The following MPPED1 variants were observed in gnomAD, a reference collection of about 807,000 sequenced individuals.
The protein encoded by MPPED1 is metallophosphoesterase domain containing 1.
A neutral mutation model predicts 36.2 loss-of-function variants in MPPED1; 16 were observed. That is an observed-to-expected ratio of 0.44 (90% CI 0.30 to 0.67). The LOEUF is 0.67. Ranked by LOEUF, MPPED1 falls within the 30% of genes least tolerant of loss-of-function variation. The pLI, the probability that MPPED1 is intolerant of heterozygous loss-of-function variation, is 0.10. For missense variants in MPPED1, 307 were observed against 453.4 expected, an observed-to-expected ratio of 0.68 and a Z score of 2.93; for synonymous variants, 199 against 191.3, an observed-to-expected ratio of 1.04 and a Z score of -0.33.
At chr22:43,412,897 G>T (rs1344291050) in intron 1 of MPPED1, among the ~76,000 whole-genome samples, 2 of 152,220 alleles carry the variant, frequency 1.3e-5, no homozygotes, top group Non-Finnish European at 2.9e-5. Flanking sequence ...CTTCACCCTG[G>T]CAGGGCCAGA....
At chr22:43,441,303 A>G (rs1422279994) in intron 3 of MPPED1, among the ~76,000 whole-genome samples, 1 of 151,816 alleles carries the variant, frequency 6.6e-6, no homozygotes, top group Non-Finnish European at 1.5e-5. Flanking sequence ...GCAATCATCT[A>G]TTGTGATTGT....
chr22:43,418,042 C>A (rs1384369204), intron 1 of MPPED1: 5 of 456,156 alleles, frequency 1.1e-5, no homozygotes, highest in South Asian at 7.7e-5. Context: ...GAGTTTTGGA[C>A]CCAGGACAGC....
rs905299177 is a variant in MPPED1, at chr22:43,415,282, A to T, written c.-79+3124A>T. Among the ~76,000 whole-genome samples the T allele has an allele frequency of 5.3e-5, 8 of 152,060 alleles. No homozygotes were observed. In the East Asian group the frequency reaches 1.5e-3, roughly 29 times the overall value. On this transcript the variant is annotated intron_variant, in intron 1 of 6. Transcript: ENST00000443721. ...CAAAAAACCCAACAGGAAAAAAATA[A>T]GAGACCCCTTTTTGGGGGTGGTATT...
chr22:43,435,012 G>A (rs752113709), intron 2 of MPPED1, 22 bp from the exon 3 acceptor site: 4 of 1,608,578 alleles, frequency 2.5e-6, no homozygotes, highest in East Asian at 2.2e-5. Context: ...CTCCTGATCC[G>A]CAGTGTCATC....
chr22:43,432,610 A>G (rs1419574278), intron 2 of MPPED1, among the ~76,000 whole-genome samples: 1 of 21,262 alleles, frequency 4.7e-5, no homozygotes, highest in African/African-American at 1.7e-4. Context: ...GAGAGAGGGA[A>G]AGAGAGAGAG....
intron 3 of MPPED1, among the ~76,000 whole-genome samples, chr22:43,465,581 G>A (rs555930546): frequency 2.6e-5 from 4 of 152,304 alleles, no homozygotes; most frequent in African/African-American, 4.8e-5. Context: ...AAATCAACCC[G>A]CGGTTGGTTT....
At chr22:43,438,074 G>A (rs775684483) in intron 3 of MPPED1, among the ~76,000 whole-genome samples, 12 of 152,182 alleles carry the variant, frequency 7.9e-5, no homozygotes, top group Non-Finnish European at 1.5e-4. Context: ...CAGGTGTGTC[G>A]CAAGCCCTGG....
chr22:43,427,570 G>A (rs1169802914), intron 2 of MPPED1, among the ~76,000 whole-genome samples: 1 of 152,018 alleles, frequency 6.6e-6, no homozygotes, highest in East Asian at 1.9e-4. Flanking sequence ...TGAATGAGAG[G>A]GGGTGATCTA....
At chr22:43,497,006 G>A (rs1303599207) in intron 4 of MPPED1, among the ~76,000 whole-genome samples, 2 of 143,836 alleles carry the variant, frequency 1.4e-5, no homozygotes, top group Non-Finnish European at 3.1e-5. Context: ...GGTGGTGGTG[G>A]TGGAGGTAGT....
chr22:43,480,121 C>T (rs989539081), intron 4 of MPPED1, among the ~76,000 whole-genome samples: 6 of 152,282 alleles, frequency 3.9e-5, no homozygotes, highest in East Asian at 1.9e-4. Context: ...TGGGTTAGAT[C>T]GTAATGGTTT....
intron 1 of MPPED1, 27 bp from the exon 2 acceptor site, chr22:43,424,880 GT>G (rs768653866): frequency 3.3e-6 from 5 of 1,494,676 alleles, no homozygotes; most frequent in Non-Finnish European, 4.5e-6. Context: ...CAGATTAACT[GT>G]CGCACGGTTC....
intron 5 of MPPED1, 43 bp downstream of exon 5, chr22:43,498,393 C>A (rs1235689782): frequency 2.0e-6 from 3 of 1,472,082 alleles, no homozygotes; most frequent in African/African-American, 2.8e-5. Context: ...CCCATCTGGG[C>A]TGGTGGGTGG....
chr22:43,496,632 A>T (rs1392050475), intron 4 of MPPED1, among the ~76,000 whole-genome samples: 6 of 10,722 alleles, frequency 5.6e-4, no homozygotes, highest in African/African-American at 2.1e-3. Flanking sequence ...ATGGTGGTGG[A>T]GATGGTGGTG....
intron 4 of MPPED1, among the ~76,000 whole-genome samples, chr22:43,486,137 C>A (rs1316121522): frequency 6.6e-6 from 1 of 150,608 alleles, no homozygotes; most frequent in Non-Finnish European, 1.5e-5. Context: ...TGTGAAGAGT[C>A]AACACACCGG....
At chr22:43,483,628 T>G (rs1385992040) in intron 4 of MPPED1, among the ~76,000 whole-genome samples, 5 of 152,278 alleles carry the variant, frequency 3.3e-5, no homozygotes, top group Admixed American at 3.3e-4. Context: ...ATTTATGTTT[T>G]AGTCTCCAAT....
intron 1 of MPPED1, among the ~76,000 whole-genome samples, chr22:43,413,960 G>C (rs973975648): frequency 2.0e-5 from 3 of 152,228 alleles, no homozygotes; most frequent in Non-Finnish European, 4.4e-5. Flanking sequence ...GATGGGTTCA[G>C]AGAGTCACCT....
At chr22:43,493,944 C>T (rs1025124746) in intron 4 of MPPED1, among the ~76,000 whole-genome samples, 4 of 152,160 alleles carry the variant, frequency 2.6e-5, no homozygotes, top group Non-Finnish European at 2.9e-5. Flanking sequence ...CACTCTCTCA[C>T]GGTTCTGGAG....
At chr22:43,414,912 C>T (rs753986606) in intron 1 of MPPED1, among the ~76,000 whole-genome samples, 2 of 152,104 alleles carry the variant, frequency 1.3e-5, no homozygotes, top group Non-Finnish European at 2.9e-5. Context: ...AGGCTCCCTC[C>T]GTACCCACAG....
chr22:43,412,249 C>T (rs1928928195), intron 1 of MPPED1, 91 bp downstream of exon 1: 1 of 825,190 alleles, frequency 1.2e-6, no homozygotes, highest in African/African-American at 1.9e-5. Context: ...CTGGGCGACG[C>T]CCGCGGCGCT....
Sources: gnomAD v4.1 joint callset for allele counts (sites outside exome capture counted in the v4.1 genomes callset) on GRCh38, gnomAD v4.1.1 for gene constraint, MANE v1.5 for transcripts, NCBI Gene and HGNC (gene_info 2026-07-23, HGNC 2026-07-21) for gene names.